Variants in UBAC2 observed in about 807,000 individuals in gnomAD.
The protein encoded by UBAC2 is ubiquitin-associated domain-containing protein 2.
In UBAC2, 26 loss-of-function variants were observed where a neutral mutation model predicts 44.0. That is an observed-to-expected ratio of 0.59 (90% CI 0.43 to 0.82). The LOEUF is 0.82. Ranked by LOEUF, UBAC2 falls within the 40% of genes least tolerant of loss-of-function variation. The probability of loss-of-function intolerance (pLI) is 0.00; values close to 1 mark genes in which losing one functional copy is unlikely to be tolerated. For synonymous variants in UBAC2, 155 were observed against 154.3 expected (o/e 1.00, Z -0.04); for missense variants, 329 against 419.4 (o/e 0.78, Z 1.88).
At chr13:99,250,735 C>T (rs936081649) in intron 4 of UBAC2, among the ~76,000 whole-genome samples, 1 of 151,276 alleles carries the variant, frequency 6.6e-6, no homozygotes, top group Non-Finnish European at 1.5e-5. Context: ...TTTGTATCAT[C>T]TTTGATTTTT....
chr13:99,265,604 GT>G (rs1201657756), intron 4 of UBAC2, among the ~76,000 whole-genome samples: 1 of 152,072 alleles, frequency 6.6e-6, no homozygotes, highest in Non-Finnish European at 1.5e-5. Flanking sequence ...TCTTGTTCTC[GT>G]TTTGTGTGTG....
rs536787067 is a variant in UBAC2, at chr13:99,221,778, T to C, written c.32-16649T>C. ...TGTCAGAAACATCTGTCACTCATGG[T>C]GATCGCCTACTTGACAGTGCCCTTC... On this transcript the variant is annotated intron_variant, in intron 1 of 8. Coordinates refer to ENST00000403766, the MANE Select transcript of UBAC2 (RefSeq NM_001144072.2). Among the ~76,000 whole-genome samples, 3 of 152,336 alleles carry C rather than the reference T, an allele frequency of 2.0e-5. No homozygotes were observed. The South Asian group carries it at 6.2e-4, about 32-fold the overall frequency.
At position 99,324,412 on chromosome 13, in the gene UBAC2, GAAA is replaced by G. The variant is rs572482234; in HGVS notation, c.561+6345_561+6347del. Among the ~76,000 whole-genome samples, 5 of 124,746 alleles carry G rather than the reference GAAA, an allele frequency of 4.0e-5. No homozygotes were observed. In the South Asian group the frequency reaches 1.9e-3, roughly 46 times the overall value. The allele number at this position is 124,746 out of a possible 152,430, so 81.8% of individuals were successfully genotyped here. ...CATTGCTCTGTCCCCTTTGCCATGAGAAAAGCAGGGCCCGGAGAGGGGCAGCTC... is the reference window on the plus strand; with the variant it reads ...CATTGCTCTGTCCCCTTTGCCATGAGAGCAGGGCCCGGAGAGGGGCAGCTC... On this transcript the variant is annotated intron_variant, in intron 6 of 8. Transcript: ENST00000403766.
intron 4 of UBAC2, among the ~76,000 whole-genome samples, chr13:99,261,253 CAA>C (rs1728264443): frequency 6.6e-6 from 1 of 152,198 alleles, no homozygotes; most frequent in African/African-American, 2.4e-5. Context: ...GTGAGGCAGA[CAA>C]AGAGTCCTCT....
chr13:99,309,152 C>A (rs2044378535), intron 4 of UBAC2, among the ~76,000 whole-genome samples: 1 of 151,992 alleles, frequency 6.6e-6, no homozygotes, highest in African/African-American at 2.4e-5. Context: ...CTCGCTCTCA[C>A]CAGGCTGGAG....
intron 4 of UBAC2, among the ~76,000 whole-genome samples, chr13:99,272,289 G>T (rs780008853): frequency 6.6e-6 from 1 of 152,144 alleles, no homozygotes; most frequent in Non-Finnish European, 1.5e-5. Flanking sequence ...AAATTTTTAA[G>T]CATGTATAAG....
chr13:99,255,862 A>C (rs2043545063), intron 4 of UBAC2: 2 of 1,561,542 alleles, frequency 1.3e-6, no homozygotes, highest in Admixed American at 4.0e-5. Flanking sequence ...TTGATTGTTC[A>C]GGGTGATCAT....
chr13:99,295,860 C>A lies in UBAC2; in HGVS notation c.390-18237C>A. On this transcript the variant is annotated intron_variant, in intron 4 of 8. Transcript: ENST00000403766. This position sits in a 1 kb window ranked among gnomAD's most constrained non-coding sequence, Gnocchi z 4.1. ...CACAAGGCATCTCCGATTCTCCAGT[C>A]AAAGCCCATTGCATAGTAGGCTATT... is the stretch of plus-strand genomic sequence containing the variant. The A allele has an allele frequency of 6.2e-7, 1 of 1,606,742 alleles. No individual in the cohort carries two copies. Among genetic ancestry groups the A allele is most frequent in the South Asian group, 1.1e-5 (1 of 90,128 alleles).
intron 7 of UBAC2, among the ~76,000 whole-genome samples, chr13:99,357,992 G>C (rs758139379): frequency 6.6e-6 from 1 of 152,184 alleles, no homozygotes; most frequent in Non-Finnish European, 1.5e-5. Flanking sequence ...CACAGTCCCC[G>C]TGGAGCTAAT....
chr13:99,324,194 A>G (rs1043596973), intron 6 of UBAC2, among the ~76,000 whole-genome samples: 1 of 152,180 alleles, frequency 6.6e-6, no homozygotes, highest in Non-Finnish European at 1.5e-5. Flanking sequence ...TTACTCTAGT[A>G]TTTTTGTTTG....
At chr13:99,362,610 A>G (rs1247804652) in intron 7 of UBAC2, among the ~76,000 whole-genome samples, 2 of 152,248 alleles carry the variant, frequency 1.3e-5, no homozygotes, top group East Asian at 3.8e-4. Context: ...GTGAGATTGA[A>G]TATCTTTTCA....
intron 4 of UBAC2, among the ~76,000 whole-genome samples, chr13:99,260,767 T>G (rs1337666252): frequency 6.6e-6 from 1 of 152,224 alleles, no homozygotes; most frequent in Non-Finnish European, 1.5e-5. Flanking sequence ...TCATGCAGCT[T>G]TAATTTCTTC....
chr13:99,210,939 C>A (rs1802122150), intron 1 of UBAC2, among the ~76,000 whole-genome samples: 1 of 152,160 alleles, frequency 6.6e-6, no homozygotes, highest in Admixed American at 6.5e-5. Flanking sequence ...CATAAGCATT[C>A]CCCTAGGATG....
intron 7 of UBAC2, 66 bp downstream of exon 7, chr13:99,340,631 T>C: frequency 6.6e-7 from 1 of 1,520,558 alleles, no homozygotes; most frequent in Non-Finnish European, 8.9e-7. Flanking sequence ...CTTTCCTCTG[T>C]GATTGCATGT....
chr13:99,215,687 G>A lies in UBAC2; in HGVS notation c.31+14748G>A, dbSNP rs534732283. On this transcript the variant is annotated intron_variant, in intron 1 of 8. Transcript: ENST00000403766. ...TACAGCCCTCTGGGAACTGCAAGCC[G>A]GCTCTCTGCGAGCGGGAAACCGCCT... 4.6e-4 allele frequency: 690 copies of A among 1,496,152 alleles called. 1 individual carries two copies. Among genetic ancestry groups the A allele is most frequent in the African/African-American group, 2.5e-3 (181 of 71,518 alleles). The allele number at this position is 1,496,152 out of a possible 1,614,324, so 92.7% of individuals were successfully genotyped here.
intron 8 of UBAC2, among the ~76,000 whole-genome samples, chr13:99,384,404 G>A (rs1024650855): frequency 4.6e-5 from 7 of 152,208 alleles, no homozygotes; most frequent in African/African-American, 1.7e-4. Context: ...GGGAAAAAAG[G>A]TTGCAAATAA....
At chr13:99,335,381 T>G (rs547494036) in intron 6 of UBAC2, among the ~76,000 whole-genome samples, 92 of 151,872 alleles carry the variant, frequency 6.1e-4, no homozygotes, top group Non-Finnish European at 8.8e-4. Context: ...CATTACTGTT[T>G]TTTTTTTTCC....
chr13:99,243,331 C>T (rs2043343151), intron 2 of UBAC2, among the ~76,000 whole-genome samples: 1 of 140,840 alleles, frequency 7.1e-6, no homozygotes, highest in South Asian at 2.3e-4. Context: ...ATATTTCAAA[C>T]CTAGTCATAT....
chr13:99,224,070 A>G (rs2142693648), intron 1 of UBAC2, among the ~76,000 whole-genome samples: 1 of 152,316 alleles, frequency 6.6e-6, no homozygotes, highest in Middle Eastern at 3.4e-3. Context: ...TGCCATAACA[A>G]AATACCACAG....
Sources: allele counts gnomAD v4.1 joint callset (sites outside exome capture counted in the v4.1 genomes callset), GRCh38; gene constraint gnomAD v4.1.1; non-coding constraint Gnocchi (gnomAD v3.1); transcripts MANE v1.5; gene names NCBI Gene and HGNC (gene_info 2026-07-23, HGNC 2026-07-21).